The following SGPP2 variants were observed in gnomAD, a reference collection of about 807,000 sequenced individuals.
SGPP2 encodes sphingosine 1-phosphate phosphohydrolase 2.
SGPP2 carries 30 observed loss-of-function variants against 33.9 expected under a neutral mutation model. That is an observed-to-expected ratio of 0.89 (90% CI 0.66 to 1.20). SGPP2 has a LOEUF of 1.20. Among genes scored for constraint, SGPP2 ranks in the 50% most tolerant of loss-of-function variants. The pLI, the probability that SGPP2 is intolerant of heterozygous loss-of-function variation, is 0.00. For missense variants in SGPP2, 458 were observed against 532.1 expected (o/e 0.86, Z 1.37); for synonymous variants, 233 against 225.0 (o/e 1.04, Z -0.32).
At chr2:222,492,786 A>G (rs1192796145) in intron 2 of SGPP2, among the ~76,000 whole-genome samples, 5 of 152,160 alleles carry the variant, frequency 3.3e-5, no homozygotes, top group Non-Finnish European at 5.9e-5. Flanking sequence ...CCTTTTAAAC[A>G]TAAGTTCCAA....
intron 2 of SGPP2, among the ~76,000 whole-genome samples, chr2:222,484,779 T>A (rs1465082501): frequency 6.6e-6 from 1 of 152,256 alleles, no homozygotes; most frequent in Non-Finnish European, 1.5e-5. Context: ...ACAAAGGCAC[T>A]GTTCCAGACT....
At chr2:222,522,781 C>T (rs942118862) in intron 3 of SGPP2, among the ~76,000 whole-genome samples, 21 of 152,178 alleles carry the variant, frequency 1.4e-4, no homozygotes, top group African/African-American at 4.8e-4. Context: ...TGGGCTCAAG[C>T]GATCCTTCCA....
At chr2:222,531,869 C>A (rs763558578) in intron 4 of SGPP2, among the ~76,000 whole-genome samples, 1 of 152,098 alleles carries the variant, frequency 6.6e-6, no homozygotes, top group African/African-American at 2.4e-5. Context: ...AAGGTGGAGA[C>A]AGATACTCTG....
In SGPP2 at chr2:222,456,990, G is replaced by A. The variant is rs1450911177; in HGVS notation, c.220-17578G>A. On this transcript the variant is annotated intron_variant, in intron 1 of 4. Coordinates refer to ENST00000321276, the MANE Select transcript of SGPP2 (RefSeq NM_152386.4). ...AAACTCTCATGGTTAAACTCATTAAGCCCTACCCTCCCCAAGTTCCATTTA... is the reference window on the plus strand; with the variant it reads ...AAACTCTCATGGTTAAACTCATTAAACCCTACCCTCCCCAAGTTCCATTTA... Among the ~76,000 whole-genome samples, 4 of 152,078 alleles carry A rather than the reference G, an allele frequency of 2.6e-5. No individual in the cohort carries two copies. In the East Asian group the frequency reaches 7.7e-4, roughly 29 times the overall value.
chr2:222,560,169 T>C lies in SGPP2; in HGVS notation c.*1271T>C, dbSNP rs1553543632. 1 of 152,266 alleles carries C rather than the reference T, an allele frequency of 6.6e-6. No individual in the cohort carries two copies. The highest frequency in any genetic ancestry group is 1.5e-5 in the Non-Finnish European group (1 of 68,064). The allele number at this position is 152,266 out of a possible 1,614,324, so 9.4% of individuals were successfully genotyped here. A position where few individuals can be genotyped will look rare whatever the true frequency, so the allele number is the denominator to read the frequency against. On this transcript the variant is annotated 3_prime_UTR_variant, in exon 5 of 5. Transcript: ENST00000321276. ...AACCTGGAAGGCACTGGCATCTGCC[T>C]AGGAAAGTGGATCTGTGAAGAACAG...
chr2:222,447,425 G>A (rs550648913), intron 1 of SGPP2, among the ~76,000 whole-genome samples: 3 of 152,166 alleles, frequency 2.0e-5, no homozygotes, highest in African/African-American at 4.8e-5. Context: ...GGTAGTGTCC[G>A]GTAAGCAATT....
At chr2:222,542,015 C>G (rs1444711179) in intron 4 of SGPP2, among the ~76,000 whole-genome samples, 2 of 152,164 alleles carry the variant, frequency 1.3e-5, no homozygotes, top group Non-Finnish European at 2.9e-5. Context: ...TAAACACGCA[C>G]CTCAGTAACC....
chr2:222,514,747 C>G (rs902961346), intron 2 of SGPP2, among the ~76,000 whole-genome samples: 4 of 152,198 alleles, frequency 2.6e-5, no homozygotes, highest in Admixed American at 2.6e-4. Flanking sequence ...GTGGCACTGT[C>G]CTGTGCATTG....
intron 2 of SGPP2, among the ~76,000 whole-genome samples, chr2:222,512,016 A>G (rs2106126047): frequency 6.7e-6 from 1 of 149,808 alleles, no homozygotes; most frequent in South Asian, 2.1e-4. Context: ...TTATTTATTT[A>G]TTTATTTATT....
chr2:222,547,535 A>G (rs571799994), intron 4 of SGPP2, among the ~76,000 whole-genome samples: 1 of 152,332 alleles, frequency 6.6e-6, no homozygotes, highest in South Asian at 2.1e-4. Flanking sequence ...ATATGAAATA[A>G]AGTTTAGAAA....
chr2:222,541,061 C>T (rs1420165307), intron 4 of SGPP2, among the ~76,000 whole-genome samples: 2 of 152,172 alleles, frequency 1.3e-5, no homozygotes, highest in Non-Finnish European at 2.9e-5. Flanking sequence ...TCGTGATCCA[C>T]CCGCCTCAGC....
At chr2:222,503,891 C>G (rs1479435572) in intron 2 of SGPP2, 1 of 152,132 alleles carries the variant, frequency 6.6e-6, no homozygotes, top group Non-Finnish European at 1.5e-5. Flanking sequence ...AGAGGTCACA[C>G]AGACCATAAG....
chr2:222,475,964 G>GA (rs1697926869), intron 2 of SGPP2, among the ~76,000 whole-genome samples: 1 of 152,178 alleles, frequency 6.6e-6, no homozygotes, highest in Non-Finnish European at 1.5e-5. Flanking sequence ...GGCATGTGGA[G>GA]GACTCTGCAG....
intron 1 of SGPP2, among the ~76,000 whole-genome samples, 163 bp from the exon 2 acceptor site, chr2:222,474,405 A>G (rs1015204613): frequency 1.3e-5 from 2 of 152,238 alleles, no homozygotes; most frequent in African/African-American, 4.8e-5. Context: ...TTGTTTGAAT[A>G]AATTGAGGTT....
At position 222,528,843 on chromosome 2, in the gene SGPP2, T is replaced by C. The variant is rs139711942; in HGVS notation, c.648+3810T>C. 2.3e-3 allele frequency among the ~76,000 whole-genome samples: 345 copies of C among 152,298 alleles called. 1 individual carries two copies. The highest frequency in any genetic ancestry group is 0.01 in the Middle Eastern group (3 of 294). On this transcript the variant is annotated intron_variant, in intron 4 of 4. Transcript: ENST00000321276. ...TGTTGCCCAGGCTTGTCTCAAATTC[T>C]TGGGCTCAAGCAATCATACCACCTC...
intron 2 of SGPP2, among the ~76,000 whole-genome samples, chr2:222,491,439 A>G (rs553469501): frequency 4.6e-5 from 7 of 152,308 alleles, no homozygotes; most frequent in African/African-American, 1.2e-4. Context: ...ATTCACAATC[A>G]TGGAGGAAGG....
At chr2:222,490,101 C>T (rs1026846555) in intron 2 of SGPP2, among the ~76,000 whole-genome samples, 1 of 152,102 alleles carries the variant, frequency 6.6e-6, no homozygotes, top group African/African-American at 2.4e-5. Context: ...GTGTCTAGCC[C>T]TTGTGGATGT....
chr2:222,524,509 A>T (rs1698728421), intron 3 of SGPP2, among the ~76,000 whole-genome samples: 1 of 152,192 alleles, frequency 6.6e-6, no homozygotes, highest in Admixed American at 6.5e-5. Context: ...CCTTCTACGG[A>T]GGAGGAGAAG....
intron 1 of SGPP2, among the ~76,000 whole-genome samples, chr2:222,449,608 T>C (rs2106074249): frequency 6.6e-6 from 1 of 152,252 alleles, no homozygotes; most frequent in African/African-American, 2.4e-5. Flanking sequence ...TAGCTGGGAC[T>C]ATAGGCACCT....
Sources: gnomAD v4.1 joint callset for allele counts (sites outside exome capture counted in the v4.1 genomes callset) on GRCh38, gnomAD v4.1.1 for gene constraint, MANE v1.5 for transcripts, NCBI Gene and HGNC (gene_info 2026-07-23, HGNC 2026-07-21) for gene names.